The following MAML3 variants were observed in gnomAD, a reference collection of about 807,000 sequenced individuals.
MAML3 encodes the protein mastermind-like protein 3.
A neutral mutation model predicts 101.9 loss-of-function variants in MAML3; 27 were observed. The observed-to-expected ratio is 0.27, with a 90% CI of 0.20 to 0.37. The LOEUF is 0.37. Ranked by LOEUF, MAML3 falls within the 10% of genes least tolerant of loss-of-function variation. MAML3 has a pLI of 1.00. For synonymous variants in MAML3, 501 were observed against 555.9 expected (o/e 0.90, Z 1.39); for missense variants, 1,316 against 1,444.9 (o/e 0.91, Z 1.45).
At chr4:139,995,339 C>T (rs1389698147) in intron 1 of MAML3, among the ~76,000 whole-genome samples, 3 of 152,150 alleles carry the variant, frequency 2.0e-5, no homozygotes, top group Admixed American at 1.3e-4. Flanking sequence ...CTCATGAGGA[C>T]ATTCTTGTAA....
intron 1 of MAML3, among the ~76,000 whole-genome samples, chr4:140,092,773 C>A (rs568989177): frequency 1.3e-5 from 2 of 152,236 alleles, no homozygotes; most frequent in South Asian, 4.1e-4. Context: ...ATTCTCCTAT[C>A]GCAGAGGCTC....
intron 1 of MAML3, among the ~76,000 whole-genome samples, chr4:140,083,908 C>A (rs1424387540): frequency 6.6e-6 from 1 of 151,234 alleles, no homozygotes; most frequent in Non-Finnish European, 1.5e-5. Flanking sequence ...AAAAGAAACA[C>A]CCTAGATTGA....
chr4:139,989,502 T>C (rs1215261693), intron 1 of MAML3, among the ~76,000 whole-genome samples: 1 of 152,120 alleles, frequency 6.6e-6, no homozygotes, highest in Non-Finnish European at 1.5e-5. Flanking sequence ...TGCCACTGAA[T>C]GTGTCTAACC....
At chr4:139,954,094 A>G (rs1219608782) in intron 1 of MAML3, among the ~76,000 whole-genome samples, 1 of 152,216 alleles carries the variant, frequency 6.6e-6, no homozygotes, top group Admixed American at 6.5e-5. Flanking sequence ...GGCACACTTG[A>G]GAAACCCTGT....
chr4:139,778,747 G>C (rs1730139289), intron 2 of MAML3, among the ~76,000 whole-genome samples: 1 of 152,108 alleles, frequency 6.6e-6, no homozygotes, highest in African/African-American at 2.4e-5. Flanking sequence ...CATTTTGGGA[G>C]GCCGAGGTGG....
At chr4:139,826,466 C>T (rs1305766209) in intron 2 of MAML3, among the ~76,000 whole-genome samples, 1 of 152,112 alleles carries the variant, frequency 6.6e-6, no homozygotes, top group Non-Finnish European at 1.5e-5. Context: ...AACTAGGGAC[C>T]TTGGGAAAGA....
At chr4:139,840,402 T>C (rs1195811361) in intron 2 of MAML3, among the ~76,000 whole-genome samples, 5 of 152,180 alleles carry the variant, frequency 3.3e-5, no homozygotes, top group African/African-American at 1.2e-4. Context: ...CAGAGCTTCG[T>C]GATTCGGTGG....
intron 1 of MAML3, among the ~76,000 whole-genome samples, chr4:140,077,566 T>C (rs977074399): frequency 1.3e-5 from 2 of 152,214 alleles, no homozygotes; most frequent in African/African-American, 2.4e-5. Context: ...AGTTCACTTA[T>C]CCTCAAAGTG....
intron 1 of MAML3, among the ~76,000 whole-genome samples, chr4:139,961,690 A>T (rs1227063057): frequency 6.6e-6 from 1 of 152,236 alleles, no homozygotes; most frequent in Non-Finnish European, 1.5e-5. Context: ...AAGAGTATTT[A>T]CAAAGTTTGT....
chr4:139,999,609 C>T (rs1027750142), intron 1 of MAML3, among the ~76,000 whole-genome samples: 4 of 152,094 alleles, frequency 2.6e-5, no homozygotes, highest in African/African-American at 9.7e-5. Context: ...GAAGTCCCAC[C>T]CAACATTTAT....
At chr4:139,767,903 G>C (rs550503773) in intron 2 of MAML3, among the ~76,000 whole-genome samples, 6 of 152,348 alleles carry the variant, frequency 3.9e-5, no homozygotes, top group African/African-American at 1.4e-4. Flanking sequence ...GTTCTGGTTA[G>C]TTATTTCTTG....
At chr4:139,894,129 A>G (rs1049693525) in intron 1 of MAML3, among the ~76,000 whole-genome samples, 5 of 152,304 alleles carry the variant, frequency 3.3e-5, no homozygotes, top group Admixed American at 3.3e-4. Context: ...GAGGAGCACC[A>G]TGGATAATAA....
intron 1 of MAML3, 104 bp from the exon 2 acceptor site, chr4:139,891,071 G>A (rs941888042): frequency 5.3e-5 from 69 of 1,293,438 alleles, no homozygotes; most frequent in Non-Finnish European, 7.0e-5. Context: ...AGTGGTTTAC[G>A]ACACACAGGA....
intron 2 of MAML3, among the ~76,000 whole-genome samples, chr4:139,733,573 A>C (rs895008007): frequency 2.0e-5 from 3 of 151,968 alleles, no homozygotes; most frequent in Non-Finnish European, 2.9e-5. Context: ...AAAAAAAAAA[A>C]AACCCTCCCA....
Position 139,893,523 on chromosome 4 carries a change from A to G in MAML3, c.469-2556T>C, listed in dbSNP as rs1732545539. On this transcript the variant is annotated intron_variant, in intron 1 of 4. Coordinates refer to ENST00000509479, the MANE Select transcript of MAML3 (RefSeq NM_018717.5). ...CACCACAGGCCTGCACCCAGTCCTC[A>G]GGTTCATGGCAGGGGTTAATAAACA... Among the ~76,000 whole-genome samples the G allele has an allele frequency of 2.0e-5, 3 of 152,180 alleles. No homozygotes were observed. The South Asian group carries it at 6.2e-4, about 32-fold the overall frequency.
At chr4:140,099,694 G>C (rs60278240) in intron 1 of MAML3, among the ~76,000 whole-genome samples, 12,077 of 152,142 alleles carry the variant, frequency 0.079, 824 homozygotes, top group African/African-American at 0.19. Context: ...ATTAGATAAA[G>C]GATGAGCAGA....
At chr4:140,072,664 C>G (rs923865223) in intron 1 of MAML3, among the ~76,000 whole-genome samples, 1 of 136,480 alleles carries the variant, frequency 7.3e-6, no homozygotes, top group African/African-American at 2.8e-5. Context: ...GAGCAAAACT[C>G]CGTCTCAAAA....
intron 1 of MAML3, among the ~76,000 whole-genome samples, chr4:140,083,965 C>CAG (rs1727908411): frequency 3.2e-5 from 2 of 63,200 alleles, no homozygotes; most frequent in African/African-American, 1.4e-4. Context: ...CACACACACA[C>CAG]ACAGAGAGAG....
At chr4:139,769,856 C>T (rs965524554) in intron 2 of MAML3, among the ~76,000 whole-genome samples, 1 of 151,686 alleles carries the variant, frequency 6.6e-6, no homozygotes, top group Non-Finnish European at 1.5e-5. Flanking sequence ...CTCAGGTGAT[C>T]CACCCGCCTT....
Sources: gnomAD v4.1 joint callset for allele counts (sites outside exome capture counted in the v4.1 genomes callset) on GRCh38, gnomAD v4.1.1 for gene constraint, MANE v1.5 for transcripts, NCBI Gene and HGNC (gene_info 2026-07-23, HGNC 2026-07-21) for gene names.